WWP1: variants seen among roughly 807,000 people sequenced by gnomAD.
The protein encoded by WWP1 is NEDD4-like E3 ubiquitin-protein ligase WWP1.
A neutral mutation model predicts 130.6 loss-of-function variants in WWP1; 49 were observed. The observed-to-expected ratio is 0.38, with a 90% CI of 0.30 to 0.48. WWP1 has a LOEUF of 0.48. Ranked by LOEUF, WWP1 falls within the 20% of genes least tolerant of loss-of-function variation. The pLI, the probability that WWP1 is intolerant of heterozygous loss-of-function variation, is 0.99. For missense variants in WWP1, 809 were observed against 1,100.6 expected (o/e 0.74, Z 3.75); for synonymous variants, 332 against 367.8 (o/e 0.90, Z 1.11).
At chr8:86,464,339 A>C (rs1466454116) in intron 24 of WWP1, among the ~76,000 whole-genome samples, 1 of 152,150 alleles carries the variant, frequency 6.6e-6, no homozygotes, top group Non-Finnish European at 1.5e-5. Context: ...CCAAAACTAA[A>C]ACAAAATCAC....
In WWP1 at chr8:86,448,102, T is replaced by G. The variant is rs777870601; in HGVS notation, c.1999-46T>G. Reference sequence around the variant, plus strand: ...CTTTTATCATTGTTCTCTAAGAAATTGTTATTTTGCAAATTTTAAATAAAA... The same window carrying G: ...CTTTTATCATTGTTCTCTAAGAAATGGTTATTTTGCAAATTTTAAATAAAA... On this transcript the variant is annotated intron_variant, in intron 18 of 24. Transcript: ENST00000517970. The G allele has an allele frequency of 1.1e-5, 17 of 1,496,448 alleles. No homozygotes were observed. In the East Asian group the frequency reaches 3.7e-4, roughly 32 times the overall value. The allele number at this position is 1,496,448 out of a possible 1,614,324, so 92.7% of individuals were successfully genotyped here.
rs1455141805 is a variant in WWP1 at position 86,439,051 on chromosome 8, A to G, written c.1838+378A>G. 3.3e-5 allele frequency among the ~76,000 whole-genome samples: 5 copies of G among 152,000 alleles called. No homozygotes were observed. In the East Asian group the frequency reaches 7.7e-4, roughly 23 times the overall value. ...ATTTCTTTTTCTTCTTGTTTTTTAA[A>G]AAGTTTTAAAGGCTGGACGTGGTGG... On this transcript the variant is annotated intron_variant, in intron 17 of 24. Transcript: ENST00000517970.
intron 20 of WWP1, among the ~76,000 whole-genome samples, chr8:86,451,214 TAAAAAAAAAAAAAAAAAAAAAAA>T (rs61141803): frequency 6.4e-4 from 28 of 43,680 alleles, no homozygotes; most frequent in Non-Finnish European, 1.1e-3. Context: ...CCTATGTTAT[TAAAAAAAAAAAAAAAAAAAAAAA>T]AAAAAAAAAA....
chr8:86,388,079 A>G (rs756179088), intron 5 of WWP1, among the ~76,000 whole-genome samples: 1 of 151,830 alleles, frequency 6.6e-6, no homozygotes, highest in South Asian at 2.1e-4. Context: ...ATAGCCATAC[A>G]TGGCCGCTGG....
chr8:86,415,734 A>G (rs1018476344), intron 9 of WWP1, among the ~76,000 whole-genome samples: 1 of 152,158 alleles, frequency 6.6e-6, no homozygotes, highest in Non-Finnish European at 1.5e-5. Context: ...AGAACTTACT[A>G]TAGATGGAGT....
rs369735999 is a variant in WWP1, at chr8:86,360,965, A to G, written c.-114-7974A>G. Among the ~76,000 whole-genome samples, 5 of 152,312 alleles carry G rather than the reference A, an allele frequency of 3.3e-5. No homozygotes were observed. In the East Asian group the frequency reaches 5.8e-4, roughly 18 times the overall value. ...ATGCAAAGGCTCCTTTGCAGCATTC[A>G]GGGTAATTAGGTTGAGGAATGTCAG... On this transcript the variant is annotated intron_variant, in intron 1 of 24. Coordinates refer to ENST00000517970, the MANE Select transcript of WWP1 (RefSeq NM_007013.4).
intron 1 of WWP1, among the ~76,000 whole-genome samples, chr8:86,349,930 C>G (rs1027636647): frequency 1.3e-5 from 2 of 151,962 alleles, no homozygotes; most frequent in Non-Finnish European, 2.9e-5. Flanking sequence ...GATTTGAGAC[C>G]TAGGGGAGAA....
chr8:86,373,943 T>A, intron 2 of WWP1, 87 bp from the exon 3 acceptor site: 1 of 956,270 alleles, frequency 1.0e-6, no homozygotes, highest in Non-Finnish European at 1.5e-6. Context: ...TGAGAACTTC[T>A]TAGTTGATTT....
At chr8:86,393,485 C>T (rs1028220846) in intron 5 of WWP1, among the ~76,000 whole-genome samples, 3 of 152,036 alleles carry the variant, frequency 2.0e-5, no homozygotes, top group African/African-American at 7.3e-5. Context: ...TCAAGTGATC[C>T]ACCCACCTCA....
intron 5 of WWP1, among the ~76,000 whole-genome samples, chr8:86,392,416 C>G (rs988312674): frequency 4.6e-5 from 7 of 152,164 alleles, no homozygotes; most frequent in Non-Finnish European, 1.0e-4. Flanking sequence ...AGATGGCTGC[C>G]ATTCAAATAC....
intron 1 of WWP1, among the ~76,000 whole-genome samples, chr8:86,352,197 G>A (rs990568886): frequency 1.1e-4 from 17 of 148,924 alleles, no homozygotes; most frequent in African/African-American, 3.4e-4. Context: ...GGTGTGTGCC[G>A]CGACACCTAG....
chr8:86,398,782 G>A, intron 7 of WWP1, 144 bp downstream of exon 7: 4 of 824,378 alleles, frequency 4.9e-6, no homozygotes, highest in Non-Finnish European at 5.6e-6. Context: ...TAATTCTTGT[G>A]AAAGTAGCTT....
At chr8:86,407,501 A>C (rs1456298981) in intron 8 of WWP1, among the ~76,000 whole-genome samples, 1 of 152,138 alleles carries the variant, frequency 6.6e-6, no homozygotes, top group Non-Finnish European at 1.5e-5. Context: ...GTAATATCTT[A>C]CCTTCTCCTA....
intron 5 of WWP1, among the ~76,000 whole-genome samples, chr8:86,396,748 T>C (rs1331242984): frequency 2.6e-5 from 4 of 152,246 alleles, no homozygotes; most frequent in African/African-American, 4.8e-5. Context: ...CACATGCCAC[T>C]GCACCTGGCT....
intron 16 of WWP1, among the ~76,000 whole-genome samples, chr8:86,437,293 T>C (rs1810345022): frequency 6.6e-6 from 1 of 152,242 alleles, no homozygotes. Flanking sequence ...AAATTTGGTA[T>C]ACGTATTGTT....
intron 5 of WWP1, among the ~76,000 whole-genome samples, chr8:86,388,518 T>A (rs1012543873): frequency 1.3e-5 from 2 of 152,214 alleles, no homozygotes; most frequent in Non-Finnish European, 2.9e-5. Flanking sequence ...GTCTTTTATG[T>A]TTCCCCTGGC....
intron 1 of WWP1, among the ~76,000 whole-genome samples, chr8:86,362,199 T>TACATATAC (rs1823706173): frequency 8.3e-6 from 1 of 121,030 alleles, no homozygotes; most frequent in African/African-American, 3.0e-5. Flanking sequence ...TATATATATA[T>TACATATAC]ATACTGGAAA....
At chr8:86,375,963 T>G (rs541610977) in intron 3 of WWP1, among the ~76,000 whole-genome samples, 2 of 152,368 alleles carry the variant, frequency 1.3e-5, no homozygotes, top group South Asian at 4.1e-4. Context: ...AATTAGACAC[T>G]GAAGTGGTAT....
In WWP1 at chr8:86,388,263, T is replaced by G. The variant is rs894853563; in HGVS notation, c.334+6634T>G. ...AGTAGGTACCAGGTTGTCTGTTTTT[T>G]TTTTCCTTTTTTCTTTTTTAAATGT... On this transcript the variant is annotated intron_variant, in intron 5 of 24. Transcript: ENST00000517970. Among the ~76,000 whole-genome samples, 12 of 152,130 alleles carry G rather than the reference T, an allele frequency of 7.9e-5. 1 individual carries two copies. Among genetic ancestry groups the G allele is most frequent in the Admixed American group, 5.2e-4 (8 of 15,288 alleles).
Sources: gnomAD v4.1 joint callset for allele counts (sites outside exome capture counted in the v4.1 genomes callset) on GRCh38, gnomAD v4.1.1 for gene constraint, MANE v1.5 for transcripts, NCBI Gene and HGNC (gene_info 2026-07-23, HGNC 2026-07-21) for gene names.